Variants in NDST3 observed in about 807,000 individuals in gnomAD.
The protein encoded by NDST3 is bifunctional heparan sulfate N-deacetylase/N-sulfotransferase 3.
Under a neutral mutation model 96.1 loss-of-function variants are expected in NDST3, and 58 were observed. That is an observed-to-expected ratio of 0.60 (90% confidence interval 0.49 to 0.75). The LOEUF (loss-of-function observed/expected upper bound fraction) is 0.75. Among genes scored for constraint, NDST3 ranks in the 30% least tolerant of loss-of-function variants. The pLI is 0.00. For synonymous variants in NDST3, 333 were observed against 359.7 expected (o/e 0.93, Z 0.84); for missense variants, 788 against 1,034.2 (o/e 0.76, Z 3.27).
chr4:118,228,877 A>G (rs1740083262), intron 8 of NDST3, among the ~76,000 whole-genome samples: 1 of 152,250 alleles, frequency 6.6e-6, no homozygotes, highest in Admixed American at 6.5e-5. Context: ...TTCATTTAGC[A>G]TAATACTTTT....
At chr4:118,187,176 G>A (rs900173991) in intron 6 of NDST3, among the ~76,000 whole-genome samples, 2 of 152,092 alleles carry the variant, frequency 1.3e-5, no homozygotes, top group Non-Finnish European at 2.9e-5. Flanking sequence ...ATTCCTTCAC[G>A]TACAACTAGA....
At chr4:118,187,201 T>C (rs1395004457) in intron 6 of NDST3, among the ~76,000 whole-genome samples, 1 of 152,224 alleles carries the variant, frequency 6.6e-6, no homozygotes, top group Non-Finnish European at 1.5e-5. Flanking sequence ...CCAGCAACTA[T>C]ACAGATACTT....
intron 8 of NDST3, among the ~76,000 whole-genome samples, chr4:118,227,200 T>A (rs1325498402): frequency 6.6e-6 from 1 of 151,210 alleles, no homozygotes; most frequent in East Asian, 1.9e-4. Flanking sequence ...ACTGTTCAAA[T>A]ATCCAGCAGT....
intron 1 of NDST3, among the ~76,000 whole-genome samples, chr4:118,040,121 C>T (rs1310424676): frequency 2.6e-5 from 4 of 152,098 alleles, no homozygotes; most frequent in South Asian, 2.1e-4. Context: ...ATGGTTTTAG[C>T]GGAAAGATCA....
chr4:118,143,952 TG>T (rs1052457185), intron 6 of NDST3, among the ~76,000 whole-genome samples: 17 of 152,158 alleles, frequency 1.1e-4, no homozygotes, highest in African/African-American at 3.9e-4. Context: ...GAAGCTTTCA[TG>T]GGGAATAAAA....
At position 118,148,892 on chromosome 4, in the gene NDST3, A is replaced by G. The variant is rs144586252; in HGVS notation, c.1539+5208A>G. ...GACCTAGAAAAGTAATTCCTGGTCT[A>G]ACGTTTAAGTCTTTAATCCATCTTG... On this transcript the variant is annotated intron_variant, in intron 6 of 13. Transcript: ENST00000296499. Among the ~76,000 whole-genome samples, 4 of 152,336 alleles carry G rather than the reference A, an allele frequency of 2.6e-5. No homozygotes were observed. In the East Asian group the frequency reaches 7.7e-4, roughly 29 times the overall value.
chr4:118,146,553 T>TA (rs11396935), intron 6 of NDST3, among the ~76,000 whole-genome samples: 4,324 of 152,068 alleles, frequency 0.028, 222 homozygotes, highest in African/African-American at 0.098. Flanking sequence ...ACAGCAAAGG[T>TA]AAAAAAACCG....
At chr4:118,238,832 G>A (rs890504333) in intron 10 of NDST3, among the ~76,000 whole-genome samples, 7 of 152,178 alleles carry the variant, frequency 4.6e-5, no homozygotes, top group African/African-American at 7.2e-5. Context: ...AAAGGCTGTC[G>A]CAGAGAAGCC....
chr4:118,064,197 A>T (rs1726123708), intron 2 of NDST3, among the ~76,000 whole-genome samples: 3 of 152,156 alleles, frequency 2.0e-5, no homozygotes, highest in Admixed American at 2.0e-4. Context: ...TTCTATCTGT[A>T]TGTACTCAGA....
intron 6 of NDST3, among the ~76,000 whole-genome samples, chr4:118,185,587 G>A (rs1228109165): frequency 6.6e-6 from 1 of 152,076 alleles, no homozygotes; most frequent in Non-Finnish European, 1.5e-5. Context: ...AAATCAGGCA[G>A]CCTCTTGAGC....
At chr4:118,051,752 A>G (rs1273637896) in intron 1 of NDST3, among the ~76,000 whole-genome samples, 1 of 152,148 alleles carries the variant, frequency 6.6e-6, no homozygotes, top group Non-Finnish European at 1.5e-5. Context: ...TTATTAAAAG[A>G]AGACATACAA....
At chr4:118,247,275 G>A (rs1741378431) in intron 12 of NDST3, among the ~76,000 whole-genome samples, 1 of 152,108 alleles carries the variant, frequency 6.6e-6, no homozygotes, top group Admixed American at 6.5e-5. Flanking sequence ...ATCTGGGCCG[G>A]GCATGGTGAC....
intron 6 of NDST3, among the ~76,000 whole-genome samples, chr4:118,202,889 CCA>C (rs2125981109): frequency 6.6e-6 from 1 of 152,208 alleles, no homozygotes; most frequent in African/African-American, 2.4e-5. Flanking sequence ...TGGTTCTGTT[CCA>C]GTTCTCAAAG....
chr4:118,100,587 G>C (rs536013430), intron 2 of NDST3, among the ~76,000 whole-genome samples: 15 of 152,126 alleles, frequency 9.9e-5, no homozygotes, highest in Middle Eastern at 6.8e-3. Context: ...GTTAAATATT[G>C]AAAGTGGAAA....
At chr4:118,250,041 A>G (rs969958828) in intron 12 of NDST3, among the ~76,000 whole-genome samples, 2 of 152,140 alleles carry the variant, frequency 1.3e-5, no homozygotes, top group African/African-American at 2.4e-5. Flanking sequence ...TCAGGAGTCA[A>G]TTCTTTTTTA....
chr4:118,178,107 A>G (rs1422050453), intron 6 of NDST3, among the ~76,000 whole-genome samples: 1 of 152,008 alleles, frequency 6.6e-6, no homozygotes, highest in Non-Finnish European at 1.5e-5. Context: ...TAAAAATTGT[A>G]TTATATCTAC....
intron 6 of NDST3, among the ~76,000 whole-genome samples, chr4:118,179,690 G>A (rs1056461634): frequency 1.3e-5 from 2 of 151,818 alleles, no homozygotes; most frequent in Non-Finnish European, 2.9e-5. Context: ...TATTTTTCCT[G>A]TGCCCATCCC....
intron 2 of NDST3, among the ~76,000 whole-genome samples, chr4:118,061,401 T>C (rs1725884064): frequency 6.6e-6 from 1 of 152,194 alleles, no homozygotes; most frequent in African/African-American, 2.4e-5. Context: ...TCACCAATGA[T>C]GTGCTAAAAC....
At chr4:118,233,648 T>C (rs951959285) in intron 9 of NDST3, among the ~76,000 whole-genome samples, 7 of 152,316 alleles carry the variant, frequency 4.6e-5, no homozygotes, top group Middle Eastern at 3.4e-3. Flanking sequence ...ATTCTTGCCT[T>C]TGAATCAAAA....
Sources: gnomAD v4.1 joint callset for allele counts (sites outside exome capture counted in the v4.1 genomes callset) on GRCh38, gnomAD v4.1.1 for gene constraint, MANE v1.5 for transcripts, NCBI Gene and HGNC (gene_info 2026-07-23, HGNC 2026-07-21) for gene names.